L3MBTL4: variants seen among roughly 807,000 people sequenced by gnomAD.
L3MBTL4 encodes the protein lethal(3)malignant brain tumor-like protein 4.
Under a neutral mutation model 84.5 loss-of-function variants are expected in L3MBTL4, and 70 were observed. The ratio of observed to expected loss-of-function variants is 0.83; its 90% CI spans 0.68 to 1.01. The LOEUF is 1.01. L3MBTL4 is among the 50% of genes least tolerant of loss of function. L3MBTL4 has a pLI of 0.00. For missense variants in L3MBTL4, 715 were observed against 754.8 expected, an observed-to-expected ratio of 0.95 and a Z score of 0.62; for synonymous variants, 274 against 259.8, an observed-to-expected ratio of 1.05 and a Z score of -0.52.
intron 6 of L3MBTL4, among the ~76,000 whole-genome samples, chr18:6,243,674 G>A (rs1222011878): frequency 1.3e-5 from 2 of 152,140 alleles, no homozygotes; most frequent in Non-Finnish European, 2.9e-5. Context: ...CCCAATCTAG[G>A]AATCTGAGGG....
chr18:6,106,937 C>T (rs926031136), intron 14 of L3MBTL4, among the ~76,000 whole-genome samples: 1 of 152,110 alleles, frequency 6.6e-6, no homozygotes, highest in African/African-American at 2.4e-5. Flanking sequence ...GGGCTTTGAC[C>T]TGGGGACTAC....
At chr18:6,328,426 C>T (rs929237373) in intron 1 of L3MBTL4, among the ~76,000 whole-genome samples, 5 of 152,188 alleles carry the variant, frequency 3.3e-5, no homozygotes, top group Admixed American at 1.3e-4. Context: ...ACAAATGCCT[C>T]TCTGAAGCCT....
intron 16 of L3MBTL4, among the ~76,000 whole-genome samples, chr18:6,043,631 G>A (rs1236764560): frequency 2.6e-5 from 4 of 152,058 alleles, no homozygotes; most frequent in African/African-American, 7.2e-5. Flanking sequence ...CTTTCAATAC[G>A]GTCAATCGAT....
At position 6,071,592 on chromosome 18, in the gene L3MBTL4, C is replaced by T. The variant is rs780624078; in HGVS notation, c.1444+9289G>A. ...CCAAGGTTGCAGTAAGCCATAATCA[C>T]GCCACTGCTCTCCAGTCTGGGGTGA... is the stretch of plus-strand genomic sequence containing the variant. On this transcript the variant is annotated intron_variant, in intron 16 of 18. Transcript: ENST00000317931. 4.7e-5 allele frequency among the ~76,000 whole-genome samples: 7 copies of T among 147,916 alleles called. No homozygotes were observed. The South Asian group carries it at 6.4e-4, about 13-fold the overall frequency.
chr18:6,003,460 T>A (rs932895986), intron 16 of L3MBTL4, among the ~76,000 whole-genome samples: 20 of 151,966 alleles, frequency 1.3e-4, no homozygotes, highest in African/African-American at 4.8e-4. Flanking sequence ...TAATGACTTG[T>A]GACTTCAATA....
At chr18:6,158,658 C>A (rs2043195897) in intron 13 of L3MBTL4, among the ~76,000 whole-genome samples, 1 of 152,288 alleles carries the variant, frequency 6.6e-6, no homozygotes, top group African/African-American at 2.4e-5. Flanking sequence ...TAAAACAAGG[C>A]TGTGGCAATA....
At chr18:5,980,289 C>T (rs1390943258) in intron 16 of L3MBTL4, among the ~76,000 whole-genome samples, 3 of 152,212 alleles carry the variant, frequency 2.0e-5, no homozygotes, top group Non-Finnish European at 4.4e-5. Context: ...CCTAAGGCCA[C>T]GTGTCATCCC....
At chr18:6,192,002 C>A (rs367762573) in intron 12 of L3MBTL4, among the ~76,000 whole-genome samples, 14 of 147,084 alleles carry the variant, frequency 9.5e-5, no homozygotes, top group East Asian at 7.8e-4. Flanking sequence ...CTCCTCCCCC[C>A]CCTCAAAAAA....
intron 12 of L3MBTL4, among the ~76,000 whole-genome samples, chr18:6,203,355 G>GCCC (rs1362164795): frequency 1.4e-4 from 21 of 152,282 alleles, no homozygotes; most frequent in African/African-American, 5.1e-4. Context: ...TCACATTCCA[G>GCCC]CCCAAAGCAG....
At chr18:6,165,655 T>G (rs1193108914) in intron 13 of L3MBTL4, among the ~76,000 whole-genome samples, 2 of 152,286 alleles carry the variant, frequency 1.3e-5, no homozygotes, top group East Asian at 1.9e-4. Flanking sequence ...CCACCAGGCC[T>G]GCCCTAAAAG....
At chr18:5,958,708 A>C (rs1432626818) in intron 18 of L3MBTL4, among the ~76,000 whole-genome samples, 2 of 152,120 alleles carry the variant, frequency 1.3e-5, no homozygotes, top group Admixed American at 6.6e-5. Flanking sequence ...GCCTTTATTA[A>C]GCCCCTACTT....
chr18:6,126,648 A>C (rs1295430086), intron 14 of L3MBTL4, among the ~76,000 whole-genome samples: 1 of 152,120 alleles, frequency 6.6e-6, no homozygotes, highest in African/African-American at 2.4e-5. Flanking sequence ...AAAAAAAATC[A>C]TTGAATTCTC....
At chr18:6,409,132 G>A (rs2055860148) in intron 1 of L3MBTL4, among the ~76,000 whole-genome samples, 1 of 152,166 alleles carries the variant, frequency 6.6e-6, no homozygotes. Flanking sequence ...AGCACCAAGT[G>A]AGTGTACCAG....
At position 6,217,215 on chromosome 18, in the gene L3MBTL4, G is replaced by C. The variant is rs1455358708; in HGVS notation, c.785-1380C>G. ...AAAAACTAGCATACCAGCATAACCA[G>C]ACACAGATCTAAACCAGGACATTTC... is the stretch of plus-strand genomic sequence containing the variant. On this transcript the variant is annotated intron_variant, in intron 10 of 18. Coordinates refer to ENST00000317931, the MANE Select transcript of L3MBTL4 (RefSeq NM_001330559.2). 2.0e-5 allele frequency among the ~76,000 whole-genome samples: 3 copies of C among 151,994 alleles called. No homozygotes were observed. In the East Asian group the frequency reaches 5.8e-4, roughly 29 times the overall value.
At chr18:6,317,001 AAAATAAAT>A (rs143668018) in intron 1 of L3MBTL4, among the ~76,000 whole-genome samples, 40 of 151,100 alleles carry the variant, frequency 2.6e-4, no homozygotes, top group African/African-American at 8.8e-4. Flanking sequence ...ATACTGGTAC[AAAATAAAT>A]AAATAAATAA....
chr18:6,342,319 C>T (rs2052646076), intron 1 of L3MBTL4, among the ~76,000 whole-genome samples: 1 of 151,960 alleles, frequency 6.6e-6, no homozygotes, highest in Admixed American at 6.6e-5. Flanking sequence ...ATAACTATAG[C>T]TACAAAATTT....
chr18:6,125,609 T>C (rs1426450608), intron 14 of L3MBTL4, among the ~76,000 whole-genome samples: 1 of 152,120 alleles, frequency 6.6e-6, no homozygotes, highest in Non-Finnish European at 1.5e-5. Flanking sequence ...CATGTATTTT[T>C]TGTAGAGATG....
At chr18:6,215,582 A>G (rs1385291409) in intron 11 of L3MBTL4, among the ~76,000 whole-genome samples, 168 bp downstream of exon 11, 1 of 152,252 alleles carries the variant, frequency 6.6e-6, no homozygotes, top group Non-Finnish European at 1.5e-5. Flanking sequence ...ACAATAGCAG[A>G]TGAGTCACCT....
intron 16 of L3MBTL4, among the ~76,000 whole-genome samples, chr18:5,972,382 C>T (rs141473442): frequency 5.3e-5 from 8 of 152,224 alleles, no homozygotes; most frequent in African/African-American, 9.6e-5. Flanking sequence ...TCTGTCATCT[C>T]GAAGACATGG....
Sources: allele counts gnomAD v4.1 joint callset (sites outside exome capture counted in the v4.1 genomes callset), GRCh38; gene constraint gnomAD v4.1.1; transcripts MANE v1.5; gene names NCBI Gene and HGNC (gene_info 2026-07-23, HGNC 2026-07-21).